Variants in TLE2 observed in about 807,000 individuals in gnomAD.
TLE2 encodes the protein transducin-like enhancer protein 2.
A neutral mutation model predicts 97.2 loss-of-function variants in TLE2; 74 were observed. The observed-to-expected ratio is 0.76, with a 90% CI of 0.63 to 0.92. The LOEUF is 0.92. Among genes scored for constraint, TLE2 ranks in the 40% least tolerant of loss-of-function variants. The pLI is 0.00. For missense variants in TLE2, 1,038 were observed against 1,008.7 expected (o/e 1.03, Z -0.39); for synonymous variants, 499 against 432.1 (o/e 1.15, Z -1.92).
At chr19:3,026,080 T>C (rs1365223604) in intron 4 of TLE2, among the ~76,000 whole-genome samples, 1 of 151,970 alleles carries the variant, frequency 6.6e-6, no homozygotes, top group African/African-American at 2.4e-5. Context: ...ACCCCTCTCA[T>C]CCCTTTAGAA....
Position 3,018,870 on chromosome 19 carries a change from G to A in TLE2, c.550+413C>T, listed in dbSNP as rs539556975. 7.9e-5 allele frequency among the ~76,000 whole-genome samples: 12 copies of A among 152,002 alleles called. No homozygotes were observed. In the South Asian group the frequency reaches 1.5e-3, roughly 18 times the overall value. ...TGGCCTCAGGTGATCCAGCCACCTC[G>A]GCCTCCCAAAGTGCTGGGATTACAG... On this transcript the variant is annotated intron_variant, in intron 7 of 19. Transcript: ENST00000262953.
At chr19:3,012,690 A>G (rs1427023314) in intron 11 of TLE2, among the ~76,000 whole-genome samples, 1 of 152,106 alleles carries the variant, frequency 6.6e-6, no homozygotes, top group Non-Finnish European at 1.5e-5. Flanking sequence ...CTCCCCAAGG[A>G]GAGCTCTGAG....
rs1309718675 is a variant in TLE2, at chr19:2,997,908, G to A, written c.2172C>T (p.Asn724=). 1.2e-6 allele frequency: 2 copies of A among 1,613,108 alleles called. No individual in the cohort carries two copies. The change falls in exon 20 of 20, where the codon AAC becomes AAT. Residue 724 remains asparagine (N), a synonymous_variant. Coordinates refer to ENST00000262953, the MANE Select transcript of TLE2 (RefSeq NM_003260.5). Reference sequence around the variant, plus strand: ...CCCCCGAGCCTGTCACGATGTATTTGTTATTTCTGGAGATGTCACAACTCA... The same window carrying A: ...CCCCCGAGCCTGTCACGATGTATTTATTATTTCTGGAGATGTCACAACTCA... ...SVLSCDISRN[N]KYIVTGSGDK...
At chr19:3,009,091 G>C in intron 13 of TLE2, 146 bp from the exon 14 acceptor site, 1 of 591,970 alleles carries the variant, frequency 1.7e-6, no homozygotes, top group Admixed American at 3.5e-5. Flanking sequence ...TCACACTACA[G>C]ATGAGAGGGC....
rs2089994435 is a variant in TLE2, at chr19:3,029,033, CG to C, written c.-130del. 1 of 1,482,286 alleles carries C rather than the reference CG, an allele frequency of 6.7e-7. No individual in the cohort carries two copies. The highest frequency in any genetic ancestry group is 1.4e-5 in the African/African-American group (1 of 70,586). 91.8% of individuals were successfully genotyped at this position (1,482,286 alleles called of 1,614,324 possible). ...AAAGAGGGAGGAGGGAGAAGCGGCG[CG>C]GGGCAAGGGACCCTGGAGTCCCTGG... On this transcript the variant is annotated 5_prime_UTR_variant, in exon 1 of 20. Transcript: ENST00000262953.
chr19:3,013,869 G>C, intron 10 of TLE2, 51 bp from the exon 11 acceptor site: 1 of 1,406,566 alleles, frequency 7.1e-7, no homozygotes, highest in Non-Finnish European at 9.3e-7. Flanking sequence ...AGGGAAAGAA[G>C]AGTCCCTTCT....
rs200433405 is a variant in TLE2, at chr19:3,017,818, T to C, written c.570+22A>G. Reference sequence around the variant, plus strand: ...TGGCCTCCCAAGAATATAAAAAGAGTCCCAGGGTGCCACTCACTTACCCTG... The same window carrying C: ...TGGCCTCCCAAGAATATAAAAAGAGCCCCAGGGTGCCACTCACTTACCCTG... On this transcript the variant is annotated intron_variant, in intron 8 of 19. Coordinates refer to ENST00000262953, the MANE Select transcript of TLE2 (RefSeq NM_003260.5). The C allele has an allele frequency of 4.6e-5, 74 of 1,609,114 alleles. No homozygotes were observed. The Admixed American group carries it at 9.6e-4, about 21-fold the overall frequency.
intron 8 of TLE2, 73 bp downstream of exon 8, chr19:3,017,767 G>A: frequency 6.9e-7 from 1 of 1,456,834 alleles, no homozygotes; most frequent in Non-Finnish European, 9.4e-7. Context: ...CTCATTCTGA[G>A]GCCCCCATCA....
chr19:3,000,167 G>A (rs1490652604), intron 19 of TLE2, among the ~76,000 whole-genome samples: 1 of 151,224 alleles, frequency 6.6e-6, no homozygotes, highest in Non-Finnish European at 1.5e-5. Context: ...CACCTCCTGG[G>A]TTCATGCCAT....
chr19:3,029,083 G>A lies in TLE2; in HGVS notation c.-179C>T. 2 of 1,279,224 alleles carry A rather than the reference G, an allele frequency of 1.6e-6. No homozygotes were observed. Among genetic ancestry groups the A allele is most frequent in the Non-Finnish European group, 2.0e-6 (2 of 1,011,096 alleles). 79.2% of individuals were successfully genotyped at this position (1,279,224 alleles called of 1,614,324 possible). A position where few individuals can be genotyped will look rare whatever the true frequency, so the allele number is the denominator to read the frequency against. On this transcript the variant is annotated 5_prime_UTR_variant, in exon 1 of 20. Transcript: ENST00000262953. ...GGCGCGCCCCCAAGCGCGCGCGCCC[G>A]GGGTCGTGGGAGCCCCTCCCCGGGT...
At chr19:3,044,933 G>T (rs1178596801) in intron 1 of TLE2, among the ~76,000 whole-genome samples, 1 of 152,146 alleles carries the variant, frequency 6.6e-6, no homozygotes, top group Non-Finnish European at 1.5e-5. Context: ...AGAATGCAGG[G>T]AAAGCCGGGC....
intron 5 of TLE2, among the ~76,000 whole-genome samples, chr19:3,022,967 GA>G (rs1196340762): frequency 6.6e-6 from 1 of 152,158 alleles, no homozygotes; most frequent in African/African-American, 2.4e-5. Context: ...AAAACAAGTG[GA>G]GGGGTGGAGC....
chr19:3,043,409 C>G (rs1405586504), intron 1 of TLE2, among the ~76,000 whole-genome samples: 2 of 127,920 alleles, frequency 1.6e-5, no homozygotes, highest in East Asian at 5.1e-4. Context: ...GAACGCCTAA[C>G]CTCGTGATCC....
intron 4 of TLE2, chr19:3,025,684 G>A (rs1260445983): frequency 2.3e-6 from 2 of 884,338 alleles, no homozygotes; most frequent in Non-Finnish European, 1.4e-6. Flanking sequence ...GTGGGGAAGG[G>A]GGCGGGCATA....
rs1220371286 is a variant in TLE2, at chr19:3,019,292, C to G, written c.541G>C (p.Gly181Arg). The G allele has an allele frequency of 6.3e-7, 1 of 1,575,818 alleles. No homozygotes were observed. The highest frequency in any genetic ancestry group is 2.3e-5 in the East Asian group (1 of 43,054). The change falls in exon 7 of 20, where the codon GGG becomes CGG. Residue 181 changes from glycine to arginine, a missense_variant. Transcript: ENST00000262953. The surrounding 1 kb of genome is among the most constrained non-coding windows in gnomAD (Gnocchi z 5.1). ...CGTGCTGCCCACTCACCTCTGGACCCCTCGGCCTCCACGCCCGCACGGTCC... is the reference window on the plus strand; with the variant it reads ...CGTGCTGCCCACTCACCTCTGGACCGCTCGGCCTCCACGCCCGCACGGTCC... The part of the protein sequence containing the change: ...KEDRAGVEAE[G>R]SRVERAPSRS...
intron 5 of TLE2, among the ~76,000 whole-genome samples, chr19:3,023,332 G>A (rs747089885): frequency 2.0e-5 from 3 of 152,074 alleles, no homozygotes; most frequent in Non-Finnish European, 2.9e-5. Context: ...CACTGGGCTC[G>A]GCCTACCTAA....
intron 1 of TLE2, among the ~76,000 whole-genome samples, chr19:3,045,158 G>C (rs2090132747): frequency 6.6e-6 from 1 of 152,204 alleles, no homozygotes; most frequent in Non-Finnish European, 1.5e-5. Flanking sequence ...AGGCTGCAGT[G>C]AGCTATGATA....
At chr19:3,038,912 G>T (rs892657204) in intron 1 of TLE2, among the ~76,000 whole-genome samples, 5 of 152,046 alleles carry the variant, frequency 3.3e-5, no homozygotes, top group African/African-American at 1.2e-4. Flanking sequence ...GGGTGGTGGC[G>T]CATGCCTGTA....
At chr19:2,999,596 G>A (rs998260698) in intron 19 of TLE2, among the ~76,000 whole-genome samples, 20 of 151,510 alleles carry the variant, frequency 1.3e-4, no homozygotes, top group South Asian at 1.0e-3. Context: ...GTGTGGTGGC[G>A]GGTACCTGGA....
Sources: gnomAD v4.1 joint callset for allele counts (sites outside exome capture counted in the v4.1 genomes callset) on GRCh38, gnomAD v4.1.1 for gene constraint, Gnocchi (gnomAD v3.1) non-coding constraint, MANE v1.5 for transcripts, NCBI Gene and HGNC (gene_info 2026-07-23, HGNC 2026-07-21) for gene names.